Variants in POLR3B observed in about 807,000 individuals in gnomAD.
The protein encoded by POLR3B is DNA-directed RNA polymerase III subunit RPC2.
Under a neutral mutation model 147.4 loss-of-function variants are expected in POLR3B, and 96 were observed. The ratio of observed to expected loss-of-function variants is 0.65; its 90% CI spans 0.55 to 0.77. The LOEUF is 0.77. Ranked by LOEUF, POLR3B falls within the 30% of genes least tolerant of loss-of-function variation. The pLI is 0.00. For synonymous variants in POLR3B, 461 were observed against 485.9 expected (o/e 0.95, Z 0.67); for missense variants, 1,036 against 1,413.5 (o/e 0.73, Z 4.28).
At chr12:106,507,794 G>T (rs1249274214) in intron 27 of POLR3B, 1 of 455,928 alleles carries the variant, frequency 2.2e-6, no homozygotes, top group Non-Finnish European at 4.4e-6. Flanking sequence ...CTCAGCCTCA[G>T]TTCTTGCTTT....
At chr12:106,398,111 G>A (rs145067794) in intron 10 of POLR3B, among the ~76,000 whole-genome samples, 1 of 152,208 alleles carries the variant, frequency 6.6e-6, no homozygotes, top group Admixed American at 6.5e-5. Flanking sequence ...GACGGCACCT[G>A]GAAAATCGGG....
intron 22 of POLR3B, among the ~76,000 whole-genome samples, chr12:106,460,154 T>C (rs939105940): frequency 6.6e-6 from 1 of 152,178 alleles, no homozygotes; most frequent in Non-Finnish European, 1.5e-5. Context: ...ATCCTGCCTC[T>C]TGTGCCAGCG....
chr12:106,444,082 A>G (rs1475842627), intron 18 of POLR3B, among the ~76,000 whole-genome samples: 2 of 152,198 alleles, frequency 1.3e-5, no homozygotes. Context: ...CGGCCTCTCA[A>G]ACTGCTGGGG....
chr12:106,464,358 G>A (rs558544536), intron 23 of POLR3B, among the ~76,000 whole-genome samples: 34 of 152,216 alleles, frequency 2.2e-4, no homozygotes, highest in South Asian at 6.2e-4. Flanking sequence ...GCCTGGCTGC[G>A]TTCTCATCAC....
chr12:106,402,063 C>T (rs1372460891), intron 10 of POLR3B, among the ~76,000 whole-genome samples: 2 of 151,794 alleles, frequency 1.3e-5, no homozygotes. Flanking sequence ...CTAGAAAACC[C>T]CATCGTCTCA....
chr12:106,438,558 C>A (rs933662401), intron 18 of POLR3B, among the ~76,000 whole-genome samples: 7 of 151,646 alleles, frequency 4.6e-5, no homozygotes, highest in Non-Finnish European at 1.0e-4. Context: ...TACAGTGGCA[C>A]AACATAGCTC....
chr12:106,460,483 T>C (rs868363874), intron 22 of POLR3B, among the ~76,000 whole-genome samples: 5 of 152,182 alleles, frequency 3.3e-5, no homozygotes, highest in Middle Eastern at 3.2e-3. Context: ...TTCAGAGCGC[T>C]TCTCTTGACC....
chr12:106,506,035 G>A (rs1035768702), intron 27 of POLR3B, among the ~76,000 whole-genome samples: 3 of 152,118 alleles, frequency 2.0e-5, no homozygotes, highest in South Asian at 4.1e-4. Flanking sequence ...GGCCATTTGC[G>A]GTTCATCTTT....
chr12:106,496,210 CAGTT>C, intron 24 of POLR3B, 52 bp downstream of exon 24: 1 of 1,119,630 alleles, frequency 8.9e-7, no homozygotes, highest in South Asian at 1.2e-5. Flanking sequence ...AAGAAGCAGG[CAGTT>C]AGTTTAGTTA....
At chr12:106,442,579 A>C (rs1218707354) in intron 18 of POLR3B, among the ~76,000 whole-genome samples, 1 of 152,176 alleles carries the variant, frequency 6.6e-6, no homozygotes, top group Non-Finnish European at 1.5e-5. Flanking sequence ...AACCACATGG[A>C]AGGCACTTTC....
chr12:106,393,131 C>G lies in POLR3B; in HGVS notation c.824C>G (p.Ala275Gly). The stretch of plus-strand genomic sequence containing the variant: ...CCCAGTCTGGAAGAGTGCCAGAAAG[C>G]TCAGATTTTCACACAGATGCAGGTG... Reference protein sequence around the residue: ...FGPSLEECQKAQIFTQMQALK... With the variant: ...FGPSLEECQKGQIFTQMQALK... The change falls in exon 10 of 28, where the codon GCT (alanine) becomes GGT (glycine). Residue 275 changes from alanine (A) to glycine (G), a missense_variant. Physicochemically the swap from Ala to Gly is moderately conservative, Grantham distance 60. Coordinates refer to ENST00000228347, the MANE Select transcript of POLR3B (RefSeq NM_018082.6). The G allele has an allele frequency of 6.2e-7, 1 of 1,614,202 alleles. No individual in the cohort carries two copies.
rs187290854 is a variant in POLR3B, at chr12:106,498,919, C to A, written c.2984+2001C>A. 1.5e-4 allele frequency among the ~76,000 whole-genome samples: 23 copies of A among 152,316 alleles called. No homozygotes were observed. The East Asian group carries it at 4.4e-3, about 29-fold the overall frequency. ...CCACTTGAACACTAGTGAAACTCAGCATGGAAGCAAATGTAAGAACAGAGC... is the reference window on the plus strand; with the variant it reads ...CCACTTGAACACTAGTGAAACTCAGAATGGAAGCAAATGTAAGAACAGAGC... On this transcript the variant is annotated intron_variant, in intron 25 of 27. Coordinates refer to ENST00000228347, the MANE Select transcript of POLR3B (RefSeq NM_018082.6).
chr12:106,405,576 A>ACACACG, intron 10 of POLR3B, among the ~76,000 whole-genome samples: 1 of 151,272 alleles, frequency 6.6e-6, no homozygotes, highest in South Asian at 2.1e-4. Context: ...ACACACACAC[A>ACACACG]CACAAATATA....
intron 12 of POLR3B, among the ~76,000 whole-genome samples, chr12:106,426,442 G>A (rs2037437162): frequency 6.6e-6 from 1 of 151,762 alleles, no homozygotes; most frequent in Non-Finnish European, 1.5e-5. Context: ...GTAGAGACAG[G>A]GTTTCACCAT....
intron 27 of POLR3B, among the ~76,000 whole-genome samples, chr12:106,508,892 CAA>C (rs1234266950): frequency 1.3e-5 from 2 of 152,200 alleles, no homozygotes; most frequent in South Asian, 2.1e-4. Flanking sequence ...CTGTCCTATT[CAA>C]AAGTCTTGTC....
chr12:106,451,630 A>AGGGGGGG (rs1177832853), intron 19 of POLR3B, among the ~76,000 whole-genome samples: 1 of 53,914 alleles, frequency 1.9e-5, no homozygotes, highest in African/African-American at 1.1e-4. Flanking sequence ...ATTTAAAAAA[A>AGGGGGGG]GGCGGGGGGG....
intron 23 of POLR3B, among the ~76,000 whole-genome samples, chr12:106,477,477 G>A (rs1368512445): frequency 7.0e-6 from 1 of 143,294 alleles, no homozygotes; most frequent in Non-Finnish European, 1.5e-5. Flanking sequence ...CTGCCGCCTT[G>A]CCGTTTGATC....
intron 9 of POLR3B, 82 bp from the exon 10 acceptor site, chr12:106,392,949 A>G: frequency 1.3e-6 from 2 of 1,580,366 alleles, no homozygotes; most frequent in South Asian, 2.3e-5. Context: ...TAATACCCAC[A>G]AACAATGCCA....
chr12:106,446,156 A>C (rs2037720024), intron 19 of POLR3B: 1 of 446,642 alleles, frequency 2.2e-6, no homozygotes, highest in Admixed American at 2.4e-5. Context: ...GTGTGTCATG[A>C]AAGGGCTATC....
Sources: gnomAD v4.1 joint callset for allele counts (sites outside exome capture counted in the v4.1 genomes callset) on GRCh38, gnomAD v4.1.1 for gene constraint, MANE v1.5 for transcripts, NCBI Gene and HGNC (gene_info 2026-07-23, HGNC 2026-07-21) for gene names.